CDKN2B-AS1: variants seen among roughly 807,000 people sequenced by gnomAD.
CDKN2B-AS1 encodes CDKN2B and CDKN2A antisense cis and trans regulatory RNA 1.
At chr9:22,012,667 C>G in intron 1 of CDKN2B-AS1, 2 of 351,468 alleles carry the variant, frequency 5.7e-6, no homozygotes, top group Non-Finnish European at 1.1e-5. Context: ...CCAAGAGAAA[C>G]AGCGACCTAA....
intron 4 of CDKN2B-AS1, among the ~76,000 whole-genome samples, chr9:22,086,875 T>C (rs1824884039): frequency 6.6e-6 from 1 of 152,250 alleles, no homozygotes; most frequent in South Asian, 2.1e-4. Flanking sequence ...TATTTGTGAT[T>C]CTGAATAATA....
intron 1 of CDKN2B-AS1, among the ~76,000 whole-genome samples, chr9:22,028,869 G>C (rs2131240879): frequency 6.6e-6 from 1 of 152,154 alleles, no homozygotes; most frequent in Middle Eastern, 3.4e-3. Context: ...AATTACTAAA[G>C]TATAATTGTA....
intron 1 of CDKN2B-AS1, among the ~76,000 whole-genome samples, chr9:22,037,178 A>G (rs919421579): frequency 6.6e-6 from 1 of 152,118 alleles, no homozygotes; most frequent in African/African-American, 2.4e-5. Context: ...TAGAGAAATC[A>G]TACATAAACT....
intron 1 of CDKN2B-AS1, chr9:22,029,449 A>G: frequency 1.3e-6 from 1 of 779,616 alleles, no homozygotes; most frequent in South Asian, 1.3e-5. Flanking sequence ...TTGCCACGAC[A>G]TTTCAAAGGA....
At chr9:22,078,322 G>A (rs1285665033) in intron 4 of CDKN2B-AS1, among the ~76,000 whole-genome samples, 1 of 151,670 alleles carries the variant, frequency 6.6e-6, no homozygotes, top group Non-Finnish European at 1.5e-5. Flanking sequence ...AAACTTATCA[G>A]TAGCTAAAAC....
chr9:22,058,727 C>G (rs986081645), intron 4 of CDKN2B-AS1: 6 of 152,608 alleles, frequency 3.9e-5, no homozygotes, highest in African/African-American at 1.4e-4. Context: ...GGAACGGCCA[C>G]TTTTTGGTCA....
chr9:22,052,930 G>A (rs1462112805), intron 3 of CDKN2B-AS1, among the ~76,000 whole-genome samples: 3 of 152,280 alleles, frequency 2.0e-5, no homozygotes, highest in Non-Finnish European at 2.9e-5. Context: ...TGTAGTTCAT[G>A]AAACCAATAC....
At chr9:22,045,534 TAA>T (rs1421671453) in intron 1 of CDKN2B-AS1, among the ~76,000 whole-genome samples, 2 of 152,104 alleles carry the variant, frequency 1.3e-5, no homozygotes, top group Non-Finnish European at 2.9e-5. Flanking sequence ...TTAGCTTCAC[TAA>T]ACTAGTCAAT....
intron 4 of CDKN2B-AS1, among the ~76,000 whole-genome samples, chr9:22,091,146 G>C (rs1825068776): frequency 6.6e-6 from 1 of 152,126 alleles, no homozygotes; most frequent in South Asian, 2.1e-4. Flanking sequence ...TAGATATGTG[G>C]CATTATTTCT....
intron 1 of CDKN2B-AS1, among the ~76,000 whole-genome samples, chr9:22,028,463 GA>G (rs1397751476): frequency 1.3e-5 from 2 of 151,926 alleles, no homozygotes; most frequent in Non-Finnish European, 2.9e-5. Context: ...TTTTAAACAA[GA>G]CATAGTTAAA....
chr9:22,099,127 G>A (rs1825392673), intron 4 of CDKN2B-AS1, among the ~76,000 whole-genome samples: 1 of 152,182 alleles, frequency 6.6e-6, no homozygotes, highest in African/African-American at 2.4e-5. Flanking sequence ...TATTTAGCCA[G>A]GAGGAAAGGG....
chr9:22,101,632 A>G (rs535950404), intron 4 of CDKN2B-AS1, among the ~76,000 whole-genome samples: 11 of 151,162 alleles, frequency 7.3e-5, no homozygotes, highest in African/African-American at 2.7e-4. Flanking sequence ...TTCTAAAATA[A>G]TCACACGTTT....
At chr9:22,112,065 AT>A (rs1825818463) in intron 4 of CDKN2B-AS1, 1 of 152,072 alleles carries the variant, frequency 6.6e-6, no homozygotes, top group Non-Finnish European at 1.5e-5. Context: ...ACAAAGTAAA[AT>A]TTTTCTCTTG....
At position 22,039,698 on chromosome 9, in the gene CDKN2B-AS1, C is replaced by T. The variant is rs1243163948; in HGVS notation, n.30-7053C>T. Among the ~76,000 whole-genome samples, 1 of 151,970 alleles carries T rather than the reference C, an allele frequency of 6.6e-6. No homozygotes were observed. Among genetic ancestry groups the T allele is most frequent in the Non-Finnish European group, 1.5e-5 (1 of 67,954 alleles). On this transcript the variant is annotated intron_variant and non_coding_transcript_variant, in intron 1 of 4. Transcript: ENST00000650946. The surrounding 1 kb of genome is among the most constrained non-coding windows in gnomAD (Gnocchi z 4.4). ...CTGAGCAATTAGCTATGGCACACTGCACGGTTTTTCTGACCTCTCAGCTCC... is the reference window on the plus strand; with the variant it reads ...CTGAGCAATTAGCTATGGCACACTGTACGGTTTTTCTGACCTCTCAGCTCC...
chr9:22,124,203 G>T (rs1171991041), intron 4 of CDKN2B-AS1, among the ~76,000 whole-genome samples: 1 of 152,146 alleles, frequency 6.6e-6, no homozygotes, highest in Non-Finnish European at 1.5e-5. Context: ...TAAAAGCCAA[G>T]ATTTTAATCC....
intron 4 of CDKN2B-AS1, chr9:22,061,913 T>C (rs996845307): frequency 6.6e-6 from 1 of 152,178 alleles, no homozygotes; most frequent in African/African-American, 2.4e-5. Context: ...CATTAAATAC[T>C]AAAAAATACT....
At chr9:22,015,989 A>G (rs1424189265) in intron 1 of CDKN2B-AS1, among the ~76,000 whole-genome samples, 1 of 151,968 alleles carries the variant, frequency 6.6e-6, no homozygotes, top group Non-Finnish European at 1.5e-5. Context: ...TAGATTCTGG[A>G]TATTAGCCCT....
chr9:22,057,963 A>C (rs1159391132), intron 4 of CDKN2B-AS1, among the ~76,000 whole-genome samples: 1 of 151,002 alleles, frequency 6.6e-6, no homozygotes, highest in African/African-American at 2.4e-5. Flanking sequence ...TAAAAATATA[A>C]AAAATTAGCC....
chr9:22,048,262 T>C (rs1267678008), intron 2 of CDKN2B-AS1, among the ~76,000 whole-genome samples: 1 of 152,178 alleles, frequency 6.6e-6, no homozygotes, highest in East Asian at 1.9e-4. Flanking sequence ...AGGTGGATGC[T>C]GGTATGAAAT....
Sources: allele counts gnomAD v4.1 joint callset (sites outside exome capture counted in the v4.1 genomes callset), GRCh38; gene constraint gnomAD v4.1.1; non-coding constraint Gnocchi (gnomAD v3.1); transcripts MANE v1.5; gene names NCBI Gene and HGNC (gene_info 2026-07-23, HGNC 2026-07-21).